USP6: variants seen among roughly 807,000 people sequenced by gnomAD.
USP6 encodes the protein ubiquitin carboxyl-terminal hydrolase 6.
Under a neutral mutation model 175.7 loss-of-function variants are expected in USP6, and 128 were observed. The observed-to-expected ratio is 0.73, with a 90% CI of 0.63 to 0.84. USP6 has a LOEUF of 0.84. Ranked by LOEUF, USP6 falls within the 40% of genes least tolerant of loss-of-function variation. USP6 has a pLI of 0.00. For missense variants in USP6, 1,498 were observed against 1,760.3 expected, an observed-to-expected ratio of 0.85 and a Z score of 2.67; for synonymous variants, 562 against 630.6, an observed-to-expected ratio of 0.89 and a Z score of 1.63.
intron 22 of USP6, among the ~76,000 whole-genome samples, chr17:5,141,071 C>T (rs1204815537): frequency 6.6e-6 from 1 of 152,108 alleles, no homozygotes; most frequent in Admixed American, 6.5e-5. Flanking sequence ...TGTACCTTTT[C>T]TATGTTCTAA....
At chr17:5,150,334 A>ATAAATAAG (rs2073733629) in intron 30 of USP6, among the ~76,000 whole-genome samples, 1 of 150,618 alleles carries the variant, frequency 6.6e-6, no homozygotes, top group Non-Finnish European at 1.5e-5. Flanking sequence ...AAATAAATAA[A>ATAAATAAG]TAAAATAAAG....
Position 5,145,316 on chromosome 17 carries a change from C to G in USP6, c.1993-89C>G, listed in dbSNP as rs962638151. The G allele has an allele frequency of 1.1e-5, 16 of 1,396,612 alleles. No homozygotes were observed. In the Admixed American group the frequency reaches 1.4e-4, roughly 12 times the overall value. 86.5% of individuals were successfully genotyped at this position (1,396,612 alleles called of 1,614,324 possible). ...AGGATTATATTCTTTACTTTTAAAT[C>G]CAATATATTTAACCAGTTTCTGTGA... On this transcript the variant is annotated intron_variant, in intron 26 of 37. Transcript: ENST00000574788.
chr17:5,136,271 C>T (rs2073250551), intron 17 of USP6, among the ~76,000 whole-genome samples: 1 of 152,216 alleles, frequency 6.6e-6, no homozygotes, highest in Admixed American at 6.5e-5. Context: ...CCCTTGGTGC[C>T]CACAAATGGG....
At chr17:5,136,582 G>A in intron 17 of USP6, 58 bp from the exon 18 acceptor site, 2 of 1,593,374 alleles carry the variant, frequency 1.3e-6, no homozygotes, top group Non-Finnish European at 1.7e-6. Flanking sequence ...TCTTTCAGCT[G>A]ATGGCTCCAC....
intron 22 of USP6, among the ~76,000 whole-genome samples, chr17:5,140,360 T>C (rs2073409520): frequency 6.6e-6 from 1 of 152,098 alleles, no homozygotes; most frequent in Admixed American, 6.5e-5. Flanking sequence ...CACTTGAGTC[T>C]AGAAGTCTGA....
In USP6 at chr17:5,170,653, A is replaced by G. The variant is rs1434060064; in HGVS notation, c.3692A>G (p.Asn1231Ser). Reference sequence around the variant, plus strand: ...AAGAACTTGGATGCCAGCAAAGAGAATGGGGCTGGGCAGATCTGTGAGCTG... The same window carrying G: ...AAGAACTTGGATGCCAGCAAAGAGAGTGGGGCTGGGCAGATCTGTGAGCTG... The part of the protein sequence containing the change: ...SKKNLDASKE[N>S]GAGQICELAD... The change falls in exon 36 of 38, where the codon AAT becomes AGT. Residue 1231 changes from asparagine to serine, a missense_variant. Asn to Ser is a conservative substitution (Grantham distance 46). Coordinates refer to ENST00000574788, the MANE Select transcript of USP6 (RefSeq NM_001304284.2). The G allele has an allele frequency of 5.6e-6, 9 of 1,613,806 alleles. No homozygotes were observed. Among genetic ancestry groups the G allele is most frequent in the Non-Finnish European group, 7.6e-6 (9 of 1,179,886 alleles).
rs780712857 is a variant in USP6 at position 5,172,819 on chromosome 17, T to C, written c.4062T>C (p.Asp1354=). The C allele has an allele frequency of 1.2e-6, 2 of 1,613,578 alleles. No homozygotes were observed. The highest frequency in any genetic ancestry group is 1.7e-6 in the Non-Finnish European group (2 of 1,179,866). ...NDSSCEELHP[D]EIDTDSAYIL... ...TGCCCTTTCAGGAACTTCACCCTGA[T>C]GAAATTGACACCGACTCTGCCTACA... is the stretch of plus-strand genomic sequence containing the variant. The change falls in exon 38 of 38, where the codon GAT becomes GAC. Residue 1354 remains aspartate (D), a synonymous_variant. Transcript: ENST00000574788.
At chr17:5,155,998 A>G (rs2073875554) in intron 31 of USP6, among the ~76,000 whole-genome samples, 1 of 152,242 alleles carries the variant, frequency 6.6e-6, no homozygotes, top group Non-Finnish European at 1.5e-5. Context: ...GTATAATCTC[A>G]GTCCTCTGAA....
Position 5,135,943 on chromosome 17 carries a change from G to T in USP6, c.664+15G>T, listed in dbSNP as rs1335287871. The T allele has an allele frequency of 6.3e-7, 1 of 1,597,752 alleles. No individual in the cohort carries two copies. On this transcript the variant is annotated intron_variant, in intron 17 of 37. Coordinates refer to ENST00000574788, the MANE Select transcript of USP6 (RefSeq NM_001304284.2). ...CTCCCTGCCAGGTAGGTGAACAGCT[G>T]CCCGTGGGGCCTCACGCAGCCAGAC...
chr17:5,143,726 G>T (rs1408091217), intron 25 of USP6, among the ~76,000 whole-genome samples: 2 of 150,770 alleles, frequency 1.3e-5, no homozygotes, highest in South Asian at 2.1e-4. Flanking sequence ...ATCCCCCTCT[G>T]CGAGAAACAC....
At chr17:5,138,324 T>G (rs528464888) in intron 21 of USP6, 51 bp downstream of exon 21, 1 of 1,608,928 alleles carries the variant, frequency 6.2e-7, no homozygotes, top group East Asian at 2.2e-5. Flanking sequence ...GGGCAGTCAA[T>G]AGTGGGCGGG....
At position 5,135,882 on chromosome 17, in the gene USP6, C is replaced by G; in HGVS notation, c.618C>G (p.Phe206Leu). Reference protein sequence around the residue: ...FLLYLPEEDAFWALVQLLASE... With the variant: ...FLLYLPEEDALWALVQLLASE... ...TTTATCTGCCTGAGGAGGACGCATT[C>G]TGGGCACTGGTGCAGCTGCTGGCCA... is the stretch of plus-strand genomic sequence containing the variant. The change falls in exon 17 of 38, where the codon TTC (phenylalanine) becomes TTG (leucine). Residue 206 changes from phenylalanine to leucine, a missense_variant. Phe to Leu is a conservative substitution (Grantham distance 22). Coordinates refer to ENST00000574788, the MANE Select transcript of USP6 (RefSeq NM_001304284.2). 16 of 1,599,410 alleles carry G rather than the reference C, an allele frequency of 1.0e-5. No individual in the cohort carries two copies. Among genetic ancestry groups the G allele is most frequent in the Non-Finnish European group, 1.1e-5 (13 of 1,179,810 alleles).
intron 31 of USP6, among the ~76,000 whole-genome samples, chr17:5,157,410 T>G (rs2073907597): frequency 6.6e-6 from 1 of 152,178 alleles, no homozygotes; most frequent in South Asian, 2.1e-4. Context: ...AAATAATTAT[T>G]TAAAGTATTT....
In USP6 at chr17:5,146,980, G is replaced by C. The variant is rs1022011502; in HGVS notation, c.2320-103G>C. The C allele has an allele frequency of 4.2e-6, 5 of 1,180,338 alleles. No homozygotes were observed. In the African/African-American group the frequency reaches 7.9e-5, roughly 19 times the overall value. The allele number at this position is 1,180,338 out of a possible 1,614,324, so 73.1% of individuals were successfully genotyped here. ...TATTCAATCATCTCGTTGGTTTTAT[G>C]GATGAAAGGACCTAAGACATTCTTT... On this transcript the variant is annotated intron_variant, in intron 28 of 37. Coordinates refer to ENST00000574788, the MANE Select transcript of USP6 (RefSeq NM_001304284.2).
chr17:5,135,266 A>G lies in USP6; in HGVS notation c.527A>G (p.Tyr176Cys), dbSNP rs1189617333. The stretch of plus-strand genomic sequence containing the variant: ...GAACTATTCTACATCCTCCTGGCCT[A>G]TTCGGAGTATAACCCGGTGAGTATT... ...QRELFYILLA[Y>C]SEYNPEVGYC... The change falls in exon 16 of 38, where the codon TAT (tyrosine) becomes TGT (cysteine). Residue 176 changes from tyrosine (Y) to cysteine (C), a missense_variant. Around this residue, in one of 2 missense-constraint regions of USP6, gnomAD observed 281 missense variants for 259.6 expected, o/e 1.08. Coordinates refer to ENST00000574788, the MANE Select transcript of USP6 (RefSeq NM_001304284.2). The G allele has an allele frequency of 6.2e-7, 1 of 1,612,784 alleles. No individual in the cohort carries two copies. Among genetic ancestry groups the G allele is most frequent in the Non-Finnish European group, 8.5e-7 (1 of 1,179,122 alleles).
intron 15 of USP6, 38 bp downstream of exon 15, chr17:5,134,034 G>T (rs772258563): frequency 6.3e-7 from 1 of 1,599,228 alleles, no homozygotes; most frequent in East Asian, 2.2e-5. Context: ...AGCAGAGATG[G>T]GGTGAACGAG....
At chr17:5,134,298 A>G in intron 15 of USP6, 1 of 368,300 alleles carries the variant, frequency 2.7e-6, no homozygotes, top group South Asian at 3.0e-5. Flanking sequence ...GGTAGGACCC[A>G]CAGGAGGGTG....
chr17:5,135,732 C>T (rs1011700800), intron 16 of USP6, 76 bp from the exon 17 acceptor site: 2 of 1,596,714 alleles, frequency 1.3e-6, no homozygotes, highest in African/African-American at 2.7e-5. Context: ...TCTGCCCTCT[C>T]CAATGACATG....
chr17:5,159,316 A>G (rs1035494971), intron 31 of USP6, among the ~76,000 whole-genome samples: 2 of 152,216 alleles, frequency 1.3e-5, no homozygotes, highest in African/African-American at 2.4e-5. Context: ...TGTATTCACA[A>G]GGTCTAGAAT....
Sources: gnomAD v4.1 joint callset for allele counts (sites outside exome capture counted in the v4.1 genomes callset) on GRCh38, gnomAD v4.1.1 for gene constraint, gnomAD v4.1.1 regional missense constraint, MANE v1.5 for transcripts, NCBI Gene and HGNC (gene_info 2026-07-23, HGNC 2026-07-21) for gene names.